Variants in KYNU observed in about 807,000 individuals in gnomAD.
KYNU encodes kynureninase.
KYNU carries 54 observed loss-of-function variants against 59.2 expected under a neutral mutation model. The observed-to-expected ratio is 0.91, with a 90% CI of 0.73 to 1.14. The LOEUF (loss-of-function observed/expected upper bound fraction) is 1.14. Ranked by LOEUF, KYNU falls within the 50% of genes most tolerant of loss-of-function variation. The pLI is 0.00. For synonymous variants in KYNU, 177 were observed against 192.0 expected (o/e 0.92, Z 0.65); for missense variants, 567 against 554.4 (o/e 1.02, Z -0.23).
rs1255498291 is a variant in KYNU at position 143,044,636 on chromosome 2, G to A, written c.*2464G>A. 1 of 152,106 alleles carries A rather than the reference G, an allele frequency of 6.6e-6. No individual in the cohort carries two copies. Among genetic ancestry groups the A allele is most frequent in the Non-Finnish European group, 1.5e-5 (1 of 68,026 alleles). The allele number at this position is 152,106 out of a possible 1,614,324, so 9.4% of individuals were successfully genotyped here. A position where few individuals can be genotyped will look rare whatever the true frequency, so the allele number is the denominator to read the frequency against. ...GTTGGCCGCATAAATGTCTTCTTTT[G>A]AGAAGTGTCTGTTCGTATCCTTCAC... On this transcript the variant is annotated 3_prime_UTR_variant, in exon 14 of 14. Coordinates refer to ENST00000264170, the MANE Select transcript of KYNU (RefSeq NM_003937.3).
At position 143,046,688 on chromosome 2, in the gene KYNU, T is replaced by C. The variant is rs576245736; in HGVS notation, c.*4516T>C. The C allele has an allele frequency of 2.0e-5, 3 of 152,176 alleles. No individual in the cohort carries two copies. In the South Asian group the frequency reaches 6.2e-4, roughly 32 times the overall value. 9.4% of individuals were successfully genotyped at this position (152,176 alleles called of 1,614,324 possible). A position where few individuals can be genotyped will look rare whatever the true frequency, so the allele number is the denominator to read the frequency against. Reference sequence around the variant, plus strand: ...CTTCACTTCCTTAATTACTACAACATAGCAGGGCCTGGCATCTGCTAGATT... The same window carrying C: ...CTTCACTTCCTTAATTACTACAACACAGCAGGGCCTGGCATCTGCTAGATT... On this transcript the variant is annotated 3_prime_UTR_variant, in exon 14 of 14. Coordinates refer to ENST00000264170, the MANE Select transcript of KYNU (RefSeq NM_003937.3).
chr2:142,946,988 T>C, intron 4 of KYNU: 1 of 1,489,806 alleles, frequency 6.7e-7, no homozygotes, highest in African/African-American at 1.4e-5. Context: ...AATAGCCAAC[T>C]TGAGACAAGT....
intron 9 of KYNU, 145 bp from the exon 10 acceptor site, chr2:142,985,803 C>T (rs536250099): frequency 1.7e-6 from 1 of 598,670 alleles, no homozygotes; most frequent in East Asian, 2.9e-5. Context: ...ACCTAAGCTT[C>T]TGTTTTATCA....
intron 4 of KYNU, among the ~76,000 whole-genome samples, chr2:142,929,801 G>A (rs529650000): frequency 6.6e-6 from 1 of 152,104 alleles, no homozygotes; most frequent in South Asian, 2.1e-4. Context: ...GAAGATAAGG[G>A]GTGATGAAAA....
chr2:142,957,446 C>G lies in KYNU; in HGVS notation c.508-195C>G, dbSNP rs140819754. 3.1e-3 allele frequency among the ~76,000 whole-genome samples: 466 copies of G among 152,240 alleles called. 2 individuals are homozygous for G. The highest frequency in any genetic ancestry group is 0.01 in the African/African-American group (417 of 41,548). ...GAGATCCCTCTGTTTTCATCTATCT[C>G]AAAGAATGTTCAGAATTCTATATGT... On this transcript the variant is annotated intron_variant, in intron 6 of 13. Transcript: ENST00000264170.
intron 4 of KYNU, among the ~76,000 whole-genome samples, chr2:142,951,082 C>T (rs556282915): frequency 1.8e-4 from 27 of 152,268 alleles, no homozygotes; most frequent in African/African-American, 6.3e-4. Flanking sequence ...AAAATAATTA[C>T]AGTATTAACA....
intron 8 of KYNU, among the ~76,000 whole-genome samples, chr2:142,961,979 GTC>G (rs906986818): frequency 6.6e-6 from 1 of 152,190 alleles, no homozygotes; most frequent in African/African-American, 2.4e-5. Context: ...GTTATCAGCA[GTC>G]TCTAGGAATT....
At chr2:142,990,020 A>G (rs1685350616) in intron 10 of KYNU, 2 of 151,850 alleles carry the variant, frequency 1.3e-5, no homozygotes, top group African/African-American at 4.8e-5. Context: ...CTTTGCCCAT[A>G]AAGAGAATGA....
At chr2:143,028,674 C>T (rs543338370) in intron 10 of KYNU, among the ~76,000 whole-genome samples, 13 of 151,294 alleles carry the variant, frequency 8.6e-5, no homozygotes, top group Non-Finnish European at 1.9e-4. Context: ...GGTGAAACCC[C>T]GTCTCTACTA....
In KYNU at chr2:143,055,687, G is replaced by A. The variant is rs1162336840; in HGVS notation, c.*13515G>A. ...GGAAGGAAGGAAGGAAGGAAGGAAAGGGAGGAGAGGAGAGGAGAGGTAGGA... is the reference window on the plus strand; with the variant it reads ...GGAAGGAAGGAAGGAAGGAAGGAAAAGGAGGAGAGGAGAGGAGAGGTAGGA... On this transcript the variant is annotated 3_prime_UTR_variant, in exon 14 of 14. Coordinates refer to ENST00000264170, the MANE Select transcript of KYNU (RefSeq NM_003937.3). The A allele has an allele frequency of 6.6e-6, 1 of 152,104 alleles. No homozygotes were observed. The highest frequency in any genetic ancestry group is 1.5e-5 in the Non-Finnish European group (1 of 68,046). The allele number at this position is 152,104 out of a possible 1,614,324, so 9.4% of individuals were successfully genotyped here. A position where few individuals can be genotyped will look rare whatever the true frequency, so the allele number is the denominator to read the frequency against.
intron 9 of KYNU, among the ~76,000 whole-genome samples, chr2:142,985,487 T>C (rs1290272139): frequency 2.0e-5 from 3 of 151,916 alleles, no homozygotes; most frequent in East Asian, 3.9e-4. Flanking sequence ...GTTTTTTTAT[T>C]GATAAGTTGT....
At chr2:142,992,674 G>C (rs1685435148) in intron 10 of KYNU, among the ~76,000 whole-genome samples, 1 of 151,572 alleles carries the variant, frequency 6.6e-6, no homozygotes, top group Admixed American at 6.6e-5. Context: ...AACTAAATAT[G>C]GTAAAACTTG....
rs948550911 is a variant in KYNU, at chr2:143,008,050, C to A, written c.903-21577C>A. The stretch of plus-strand genomic sequence containing the variant: ...TCATAATGACAGGATCAAATTCACA[C>A]ATAACAATATTAACTTTAAATGTAA... On this transcript the variant is annotated intron_variant, in intron 10 of 13. Transcript: ENST00000264170. Among the ~76,000 whole-genome samples the A allele has an allele frequency of 2.4e-5, 3 of 125,306 alleles. 1 individual carries two copies. Among genetic ancestry groups the A allele is most frequent in the African/African-American group, 1.0e-4 (3 of 29,236 alleles). 82.2% of individuals were successfully genotyped at this position (125,306 alleles called of 152,430 possible).
chr2:142,951,221 A>G (rs1288496630), intron 4 of KYNU, among the ~76,000 whole-genome samples: 2 of 152,218 alleles, frequency 1.3e-5, no homozygotes, highest in Non-Finnish European at 2.9e-5. Context: ...CAGTTGATGG[A>G]GGGTTGCCAC....
chr2:143,037,364 C>A (rs1267071291), intron 12 of KYNU, among the ~76,000 whole-genome samples: 1 of 152,130 alleles, frequency 6.6e-6, no homozygotes, highest in Non-Finnish European at 1.5e-5. Context: ...TTTGAGGGTT[C>A]ATATTTATGT....
At chr2:142,961,243 CT>C (rs977930861) in intron 8 of KYNU, among the ~76,000 whole-genome samples, 1 of 122,132 alleles carries the variant, frequency 8.2e-6, no homozygotes, top group African/African-American at 3.0e-5. Context: ...AATCTGTAAT[CT>C]TTTTTGCTTC....
chr2:143,019,281 G>T (rs1686342488), intron 10 of KYNU, among the ~76,000 whole-genome samples: 1 of 151,980 alleles, frequency 6.6e-6, no homozygotes, highest in Non-Finnish European at 1.5e-5. Flanking sequence ...TGTCATCTAT[G>T]GCCTTTATGT....
At chr2:143,028,182 A>G (rs1049811257) in intron 10 of KYNU, among the ~76,000 whole-genome samples, 31 of 149,954 alleles carry the variant, frequency 2.1e-4, no homozygotes, top group African/African-American at 7.7e-4. Context: ...TGTAATATAT[A>G]CACACACGTA....
At chr2:142,951,394 A>T (rs1683985585) in intron 4 of KYNU, among the ~76,000 whole-genome samples, 1 of 152,084 alleles carries the variant, frequency 6.6e-6, no homozygotes, top group Non-Finnish European at 1.5e-5. Flanking sequence ...TCTCTACCAA[A>T]AATACAAAAA....
Sources: gnomAD v4.1 joint callset for allele counts (sites outside exome capture counted in the v4.1 genomes callset) on GRCh38, gnomAD v4.1.1 for gene constraint, MANE v1.5 for transcripts, NCBI Gene and HGNC (gene_info 2026-07-23, HGNC 2026-07-21) for gene names.